Variants in SHANK2 observed in about 807,000 individuals in gnomAD.
The protein encoded by SHANK2 is SH3 and multiple ankyrin repeat domains 2, also known as SH3 and multiple ankyrin repeat domains protein 2.
In SHANK2, 43 loss-of-function variants were observed where a neutral mutation model predicts 133.7. That is an observed-to-expected ratio of 0.32 (90% CI 0.25 to 0.41). The LOEUF (loss-of-function observed/expected upper bound fraction) is 0.41. Among genes scored for constraint, SHANK2 ranks in the 10% least tolerant of loss-of-function variants. SHANK2 has a pLI of 1.00. For missense variants in SHANK2, 1,994 were observed against 2,235.8 expected (o/e 0.89, Z 2.18); for synonymous variants, 1,017 against 952.8 (o/e 1.07, Z -1.24).
intron 11 of SHANK2, among the ~76,000 whole-genome samples, chr11:70,858,886 G>A (rs560690910): frequency 2.2e-4 from 33 of 152,360 alleles, no homozygotes; most frequent in African/African-American, 7.5e-4. Flanking sequence ...TTTCAGGAAT[G>A]TGCTGTCCAC....
At position 70,500,859 on chromosome 11, in the gene SHANK2, TCAGCACCCCTTGTCCCAC is replaced by T. The variant is rs1199656530; in HGVS notation, c.2288-287_2288-270del. 11 of 693,452 alleles carry T rather than the reference TCAGCACCCCTTGTCCCAC, an allele frequency of 1.6e-5. No homozygotes were observed. Among genetic ancestry groups the T allele is most frequent in the Non-Finnish European group, 2.9e-5 (11 of 374,870 alleles). The allele number at this position is 693,452 out of a possible 1,614,324, so 43.0% of individuals were successfully genotyped here. The stretch of plus-strand genomic sequence containing the variant: ...AGTGGAAAGGGGCTTTCCTTCTTCC[TCAGCACCCCTTGTCCCAC>T]CAGCACCCTGCCAAAGTAGGGAGGA... On this transcript the variant is annotated intron_variant, in intron 20 of 25. Coordinates refer to ENST00000601538, the MANE Select transcript of SHANK2 (RefSeq NM_012309.5). The surrounding 1 kb of genome is among the most constrained non-coding windows in gnomAD (Gnocchi z 4.5).
At chr11:70,672,550 T>TGCTCCAG (rs375384203) in intron 15 of SHANK2, among the ~76,000 whole-genome samples, 2 of 152,356 alleles carry the variant, frequency 1.3e-5, no homozygotes, top group Non-Finnish European at 2.9e-5. Flanking sequence ...CTCAGGACAC[T>TGCTCCAG]GCTCCAGGTC....
chr11:71,198,470 G>C (rs1953954103), intron 2 of SHANK2, among the ~76,000 whole-genome samples: 1 of 152,176 alleles, frequency 6.6e-6, no homozygotes, highest in Admixed American at 6.5e-5. Context: ...TCCAAGAAGG[G>C]TTTCTGCACC....
At chr11:70,895,139 G>GC (rs1408241457) in intron 11 of SHANK2, among the ~76,000 whole-genome samples, 2 of 152,206 alleles carry the variant, frequency 1.3e-5, no homozygotes, top group Admixed American at 1.3e-4. Flanking sequence ...CCTTTGGGAG[G>GC]CCCCGAGGCT....
intron 11 of SHANK2, among the ~76,000 whole-genome samples, chr11:70,887,853 T>C (rs2135608208): frequency 6.6e-6 from 1 of 152,158 alleles, no homozygotes; most frequent in East Asian, 1.9e-4. Flanking sequence ...CCCAACCCCA[T>C]AGAGGCAAAG....
chr11:70,902,170 G>A (rs922477108), intron 10 of SHANK2, among the ~76,000 whole-genome samples: 3 of 152,250 alleles, frequency 2.0e-5, no homozygotes, highest in African/African-American at 4.8e-5. Flanking sequence ...CACCCGGGCA[G>A]TGTCACTGCA....
At chr11:71,140,706 G>A (rs184472573) in intron 3 of SHANK2, among the ~76,000 whole-genome samples, 24 of 152,344 alleles carry the variant, frequency 1.6e-4, no homozygotes, top group African/African-American at 5.8e-4. Flanking sequence ...CACTTCACAA[G>A]TGGTGTTTGT....
At chr11:70,505,557 G>T (rs1272490832) in intron 17 of SHANK2, among the ~76,000 whole-genome samples, 2 of 152,154 alleles carry the variant, frequency 1.3e-5, no homozygotes, top group Non-Finnish European at 2.9e-5. Context: ...CTTGAGATGG[G>T]CTGGGACCAG....
chr11:70,919,700 C>CCTAT, intron 10 of SHANK2, among the ~76,000 whole-genome samples: 1 of 152,176 alleles, frequency 6.6e-6, no homozygotes, highest in Admixed American at 6.5e-5. Flanking sequence ...ACTTACTTCT[C>CCTAT]CTATCTCAGC....
intron 17 of SHANK2, among the ~76,000 whole-genome samples, chr11:70,594,245 G>A (rs2060367363): frequency 6.6e-6 from 1 of 152,214 alleles, no homozygotes; most frequent in Non-Finnish European, 1.5e-5. Context: ...GCCGGGGCGT[G>A]GGGGATGCTC....
chr11:71,230,995 A>C (rs1954732241), intron 1 of SHANK2, among the ~76,000 whole-genome samples: 1 of 152,242 alleles, frequency 6.6e-6, no homozygotes, highest in African/African-American at 2.4e-5. Context: ...AATCTTCAGG[A>C]TCTAGAGACA....
chr11:70,652,059 C>T (rs1322401511), intron 17 of SHANK2, among the ~76,000 whole-genome samples: 5 of 152,378 alleles, frequency 3.3e-5, no homozygotes, highest in Non-Finnish European at 5.9e-5. Flanking sequence ...CACAACAGGG[C>T]TCTGGCCTTG....
rs888962915 is a variant in SHANK2 at position 71,082,291 on chromosome 11, G to A, written c.913-7016C>T. The stretch of plus-strand genomic sequence containing the variant: ...GTGACCAAGCCCAGGCTTGGACACC[G>A]CGGTCACTGCGGTGCCTGAACAGTG... On this transcript the variant is annotated intron_variant, in intron 8 of 25. Transcript: ENST00000601538. Among the ~76,000 whole-genome samples, 60 of 152,302 alleles carry A rather than the reference G, an allele frequency of 3.9e-4. No individual in the cohort carries two copies. The East Asian group carries it at 7.9e-3, about 20-fold the overall frequency.
chr11:70,556,771 T>C (rs1323402476), intron 17 of SHANK2, among the ~76,000 whole-genome samples: 1 of 152,042 alleles, frequency 6.6e-6, no homozygotes, highest in African/African-American at 2.4e-5. Flanking sequence ...TTTGTATTTT[T>C]AGTAGAGATG....
chr11:71,094,259 C>T (rs1217836455), intron 7 of SHANK2, among the ~76,000 whole-genome samples: 8 of 152,090 alleles, frequency 5.3e-5, no homozygotes, highest in Non-Finnish European at 7.4e-5. Context: ...ACTGGCCTTA[C>T]GGGTTGAAAA....
At chr11:70,815,592 C>T (rs1049108040) in intron 12 of SHANK2, among the ~76,000 whole-genome samples, 9 of 152,200 alleles carry the variant, frequency 5.9e-5, no homozygotes, top group Non-Finnish European at 1.0e-4. Flanking sequence ...TTGGGGCGCT[C>T]GCCATTGTGC....
At chr11:71,147,747 G>A (rs1434944808) in intron 2 of SHANK2, among the ~76,000 whole-genome samples, 1 of 152,244 alleles carries the variant, frequency 6.6e-6, no homozygotes, top group Non-Finnish European at 1.5e-5. Context: ...TTTCCTTGGA[G>A]GACAGAGCTT....
chr11:70,789,601 C>T (rs1041055091), intron 14 of SHANK2, among the ~76,000 whole-genome samples: 10 of 152,184 alleles, frequency 6.6e-5, no homozygotes, highest in African/African-American at 7.2e-5. Context: ...TTGAGGATCC[C>T]GACTCCAACA....
At chr11:71,077,444 G>A (rs889134046) in intron 8 of SHANK2, among the ~76,000 whole-genome samples, 2,050 of 152,210 alleles carry the variant, frequency 0.013, 45 homozygotes, top group African/African-American at 0.047. Context: ...CGCTGACTCC[G>A]GGTGGATGTC....
Sources: gnomAD v4.1 joint callset for allele counts (sites outside exome capture counted in the v4.1 genomes callset) on GRCh38, gnomAD v4.1.1 for gene constraint, Gnocchi (gnomAD v3.1) non-coding constraint, MANE v1.5 for transcripts, NCBI Gene and HGNC (gene_info 2026-07-23, HGNC 2026-07-21) for gene names.